Variants in MAD1L1 observed in about 807,000 individuals in gnomAD.
The protein encoded by MAD1L1 is mitotic arrest deficient 1 like 1.
Under a neutral mutation model 96.9 loss-of-function variants are expected in MAD1L1, and 95 were observed. That is an observed-to-expected ratio of 0.98 (90% CI 0.83 to 1.16). The LOEUF (loss-of-function observed/expected upper bound fraction) is 1.16. Among genes scored for constraint, MAD1L1 ranks in the 50% most tolerant of loss-of-function variants. The probability of loss-of-function intolerance (pLI) is 0.00; values close to 1 mark genes in which losing one functional copy is unlikely to be tolerated. For missense variants in MAD1L1, 1,007 were observed against 954.4 expected, an observed-to-expected ratio of 1.06 and a Z score of -0.73; for synonymous variants, 473 against 396.6, an observed-to-expected ratio of 1.19 and a Z score of -2.29.
chr7:1,860,171 T>G (rs1314079754), intron 18 of MAD1L1, among the ~76,000 whole-genome samples: 6 of 131,760 alleles, frequency 4.6e-5, no homozygotes, highest in African/African-American at 9.2e-5. Context: ...TGTGACATCC[T>G]GCGGGGCGGC....
intron 12 of MAD1L1, among the ~76,000 whole-genome samples, chr7:2,017,300 G>T (rs1186099517): frequency 6.6e-6 from 1 of 152,190 alleles, no homozygotes; most frequent in Non-Finnish European, 1.5e-5. Flanking sequence ...TCCCAGACTC[G>T]CTTTAAGAAG....
intron 18 of MAD1L1, among the ~76,000 whole-genome samples, chr7:1,860,040 CTG>C (rs1784457065): frequency 6.9e-6 from 1 of 145,548 alleles, no homozygotes; most frequent in South Asian, 2.3e-4. Flanking sequence ...GGGGCAGCCT[CTG>C]TGTCCCTAGA....
At position 2,096,840 on chromosome 7, in the gene MAD1L1, C is replaced by T. The variant is rs556181081; in HGVS notation, c.1074-27502G>A. On this transcript the variant is annotated intron_variant, in intron 11 of 18. Coordinates refer to ENST00000265854, the MANE Select transcript of MAD1L1 (RefSeq NM_001013836.2). ...GGGGGCACAGACCCATGGTACAGCC[C>T]GACAGCAGAGGACGCTGGCCCAGGC... Among the ~76,000 whole-genome samples the T allele has an allele frequency of 3.9e-5, 6 of 152,244 alleles. No individual in the cohort carries two copies. The South Asian group carries it at 1.2e-3, about 32-fold the overall frequency.
rs568791286 is a variant in MAD1L1 at position 2,142,991 on chromosome 7, T to C, written c.1073+6161A>G. Among the ~76,000 whole-genome samples the C allele has an allele frequency of 1.6e-4, 25 of 151,734 alleles. No individual in the cohort carries two copies. Among genetic ancestry groups the C allele is most frequent in the Non-Finnish European group, 3.2e-4 (22 of 67,932 alleles). ...ACAGGAGACATCCTGCCCCACAGAG[T>C]CCCCTGGAAAACTTACCCCTGCCAT... On this transcript the variant is annotated intron_variant, in intron 11 of 18. Coordinates refer to ENST00000265854, the MANE Select transcript of MAD1L1 (RefSeq NM_001013836.2). The surrounding 1 kb of genome is among the most constrained non-coding windows in gnomAD (Gnocchi z 4.7).
intron 11 of MAD1L1, among the ~76,000 whole-genome samples, chr7:2,095,247 T>A (rs530167225): frequency 1.3e-5 from 2 of 152,188 alleles, no homozygotes; most frequent in Non-Finnish European, 2.9e-5. Context: ...GGTTTCACCA[T>A]GTTAGCCGGG....
chr7:2,200,522 G>C (rs559677707), intron 10 of MAD1L1: 48 of 152,394 alleles, frequency 3.1e-4, no homozygotes, highest in African/African-American at 1.1e-3. Flanking sequence ...CACGCACACG[G>C]TACTTCCGAT....
intron 11 of MAD1L1, among the ~76,000 whole-genome samples, chr7:2,079,262 C>T (rs1446270479): frequency 6.6e-6 from 1 of 152,214 alleles, no homozygotes. Flanking sequence ...AGGGCAGGTG[C>T]CCCAGGACAT....
chr7:2,182,261 T>G (rs1278305210), intron 10 of MAD1L1, among the ~76,000 whole-genome samples: 1 of 151,074 alleles, frequency 6.6e-6, no homozygotes, highest in Non-Finnish European at 1.5e-5. Flanking sequence ...CAATGAAAAA[T>G]CATGCAGTCA....
intron 17 of MAD1L1, among the ~76,000 whole-genome samples, chr7:1,919,868 AAG>A (rs1351755398): frequency 6.6e-6 from 1 of 152,210 alleles, no homozygotes; most frequent in Admixed American, 6.5e-5. Context: ...GATCAACAAA[AAG>A]AAACTGCAGA....
intron 10 of MAD1L1, among the ~76,000 whole-genome samples, chr7:2,185,757 G>C (rs1791429604): frequency 6.6e-6 from 1 of 152,172 alleles, no homozygotes; most frequent in African/African-American, 2.4e-5. Context: ...GTGACGGTCA[G>C]GGTGAGGAGA....
intron 12 of MAD1L1, among the ~76,000 whole-genome samples, chr7:2,015,194 G>A (rs906443892): frequency 5.9e-5 from 9 of 152,180 alleles, no homozygotes; most frequent in African/African-American, 1.7e-4. Context: ...AAGCTGCTGC[G>A]TTCCAATGGG....
intron 4 of MAD1L1, among the ~76,000 whole-genome samples, chr7:2,223,291 C>A (rs1793707729): frequency 6.6e-6 from 1 of 152,180 alleles, no homozygotes; most frequent in African/African-American, 2.4e-5. Flanking sequence ...AAACCACAAA[C>A]CTCCAGACCC....
chr7:2,075,712 C>T (rs1785342610), intron 11 of MAD1L1, among the ~76,000 whole-genome samples: 1 of 152,180 alleles, frequency 6.6e-6, no homozygotes, highest in South Asian at 2.1e-4. Flanking sequence ...CAGAAACTCC[C>T]GGCCTAAGAA....
chr7:2,018,381 G>C (rs987353318), intron 12 of MAD1L1, among the ~76,000 whole-genome samples: 4 of 152,240 alleles, frequency 2.6e-5, no homozygotes, highest in Non-Finnish European at 2.9e-5. Flanking sequence ...CAGCCACGGT[G>C]GTCACTTCTG....
chr7:2,043,949 G>A (rs778358473), intron 12 of MAD1L1, among the ~76,000 whole-genome samples: 6 of 152,198 alleles, frequency 3.9e-5, no homozygotes, highest in African/African-American at 9.7e-5. Context: ...GGGCTCGGAC[G>A]TGACTCAAGC....
chr7:2,232,318 G>A (rs1014519537), intron 1 of MAD1L1, among the ~76,000 whole-genome samples: 23 of 152,242 alleles, frequency 1.5e-4, no homozygotes, highest in African/African-American at 5.1e-4. Context: ...CTGGAAGGAG[G>A]CTCCACAGCC....
intron 12 of MAD1L1, among the ~76,000 whole-genome samples, chr7:2,017,638 C>A (rs1206916851): frequency 6.6e-6 from 1 of 152,210 alleles, no homozygotes; most frequent in Non-Finnish European, 1.5e-5. Flanking sequence ...TCAGAGGGAA[C>A]AGCGTTGAGT....
intron 11 of MAD1L1, among the ~76,000 whole-genome samples, chr7:2,090,932 T>C (rs1370186074): frequency 6.6e-6 from 1 of 152,190 alleles, no homozygotes; most frequent in Non-Finnish European, 1.5e-5. Context: ...CTACATCCAT[T>C]TTATCTGCAA....
chr7:2,198,658 C>T (rs531741105), intron 10 of MAD1L1, among the ~76,000 whole-genome samples: 67 of 152,338 alleles, frequency 4.4e-4, no homozygotes, highest in African/African-American at 1.4e-3. Flanking sequence ...GGCCAACAGG[C>T]GTCCATGAGA....
Sources: gnomAD v4.1 joint callset for allele counts (sites outside exome capture counted in the v4.1 genomes callset) on GRCh38, gnomAD v4.1.1 for gene constraint, Gnocchi (gnomAD v3.1) non-coding constraint, MANE v1.5 for transcripts, NCBI Gene and HGNC (gene_info 2026-07-23, HGNC 2026-07-21) for gene names.